The following SEMA3E variants were observed in gnomAD, a reference collection of about 807,000 sequenced individuals.
The protein encoded by SEMA3E is semaphorin 3E.
A neutral mutation model predicts 93.6 loss-of-function variants in SEMA3E; 49 were observed. The ratio of observed to expected loss-of-function variants is 0.52; its 90% CI spans 0.42 to 0.66. SEMA3E has a LOEUF of 0.66. SEMA3E is among the 30% of genes least tolerant of loss of function. The pLI is 0.00. For missense variants in SEMA3E, 906 were observed against 964.8 expected (o/e 0.94, Z 0.81); for synonymous variants, 363 against 330.7 (o/e 1.10, Z -1.06).
chr7:83,460,304 T>G (rs1278911466), intron 4 of SEMA3E, among the ~76,000 whole-genome samples: 1 of 152,094 alleles, frequency 6.6e-6, no homozygotes, highest in African/African-American at 2.4e-5. Context: ...CCAACCTCTC[T>G]CACTGTCCCT....
chr7:83,468,728 C>T (rs2713183), intron 3 of SEMA3E, among the ~76,000 whole-genome samples: 66,862 of 151,876 alleles, frequency 0.44, 16,173 homozygotes, highest in East Asian at 0.66. Flanking sequence ...ACACAGCATT[C>T]TGCCACTCAC....
intron 1 of SEMA3E, among the ~76,000 whole-genome samples, chr7:83,618,298 TGAG>T (rs1365570154): frequency 6.6e-6 from 1 of 152,112 alleles, no homozygotes; most frequent in Non-Finnish European, 1.5e-5. Context: ...TTAGAACAGC[TGAG>T]GTTTAAACTC....
At chr7:83,566,538 G>A (rs1326103477) in intron 1 of SEMA3E, among the ~76,000 whole-genome samples, 1 of 152,014 alleles carries the variant, frequency 6.6e-6, no homozygotes, top group East Asian at 1.9e-4. Context: ...CCCTCCAAGA[G>A]TAGTGAAATA....
At chr7:83,568,670 C>T (rs1202509801) in intron 1 of SEMA3E, among the ~76,000 whole-genome samples, 2 of 152,250 alleles carry the variant, frequency 1.3e-5, no homozygotes, top group East Asian at 1.9e-4. Flanking sequence ...TAAGATTCAA[C>T]ATTTCTTTGT....
chr7:83,467,030 A>G (rs1789778113), intron 3 of SEMA3E, among the ~76,000 whole-genome samples: 1 of 150,800 alleles, frequency 6.6e-6, no homozygotes, highest in African/African-American at 2.4e-5. Flanking sequence ...TTGAAAAAGC[A>G]TAGTTATTCA....
intron 1 of SEMA3E, among the ~76,000 whole-genome samples, chr7:83,549,223 CATT>C (rs1192147428): frequency 3.9e-5 from 6 of 152,180 alleles, no homozygotes; most frequent in Non-Finnish European, 7.4e-5. Context: ...CTTTAATTGA[CATT>C]ATACTTTAAC....
intron 12 of SEMA3E, among the ~76,000 whole-genome samples, chr7:83,395,014 A>G (rs1178269783): frequency 6.6e-6 from 1 of 152,210 alleles, no homozygotes; most frequent in African/African-American, 2.4e-5. Flanking sequence ...CACTCTGGGG[A>G]TGATTATCCT....
In SEMA3E at chr7:83,367,683, A is replaced by G. The variant is rs767567898; in HGVS notation, c.2231T>C (p.Met744Thr). 3.1e-6 allele frequency: 5 copies of G among 1,613,946 alleles called. No homozygotes were observed. In the African/African-American group the frequency reaches 6.7e-5, roughly 22 times the overall value. The part of the protein sequence containing the change: ...CTDRKRKKLK[M>T]SPSKWKYANP... ...GGCATACTTCCACTTGGAGGGTGAC[A>G]TTTTAAGCTTTTTCCTCTTTCTATC... The change falls in exon 17 of 17, where the codon ATG (methionine) becomes ACG (threonine). Residue 744 changes from methionine to threonine, a missense_variant. By Grantham distance (81) the Met-to-Thr change is moderately conservative (BLOSUM62 -1). Transcript: ENST00000643230.
chr7:83,647,757 GA>G (rs1397597200), intron 1 of SEMA3E, among the ~76,000 whole-genome samples: 1 of 152,140 alleles, frequency 6.6e-6, no homozygotes, highest in Non-Finnish European at 1.5e-5. Flanking sequence ...AAATGCTAGT[GA>G]ATACTAATAC....
At chr7:83,610,044 G>T (rs919852292) in intron 1 of SEMA3E, among the ~76,000 whole-genome samples, 18 of 151,984 alleles carry the variant, frequency 1.2e-4, no homozygotes, top group Middle Eastern at 3.4e-3. Context: ...TCAATTTAAA[G>T]ATAAACTACA....
chr7:83,425,874 A>T (rs1788759799), intron 4 of SEMA3E, among the ~76,000 whole-genome samples: 1 of 152,160 alleles, frequency 6.6e-6, no homozygotes, highest in Admixed American at 6.5e-5. Context: ...TCTATAAGGA[A>T]CTTAATTCAA....
At chr7:83,554,533 G>C (rs976813185) in intron 1 of SEMA3E, among the ~76,000 whole-genome samples, 1 of 99,470 alleles carries the variant, frequency 1.0e-5, no homozygotes, top group Non-Finnish European at 1.9e-5. Context: ...AGATGATAGG[G>C]GCAGTTTTTT....
At chr7:83,549,496 A>G (rs553740481) in intron 1 of SEMA3E, among the ~76,000 whole-genome samples, 1 of 152,206 alleles carries the variant, frequency 6.6e-6, no homozygotes, top group East Asian at 1.9e-4. Context: ...TTCATTTTAA[A>G]TATACTTTTA....
In SEMA3E at chr7:83,367,636, G is replaced by C; in HGVS notation, c.2278C>G (p.Arg760Gly). 2.5e-6 allele frequency: 4 copies of C among 1,614,096 alleles called. No individual in the cohort carries two copies. Among genetic ancestry groups the C allele is most frequent in the Non-Finnish European group, 3.4e-6 (4 of 1,180,006 alleles). ...KYANPQEKKLRSKPEHYRLPR... is the reference protein window; with the variant it reads ...KYANPQEKKLGSKPEHYRLPR... ...AGGCGGTAATGCTCAGGTTTGGAAC[G>C]GAGCTTCTTTTCCTGAGGGTTGGCA... Residue 760 changes from arginine to glycine, a missense_variant, in exon 17 of 17, where the codon CGT (arginine) becomes GGT (glycine). Transcript: ENST00000643230.
At chr7:83,411,249 T>C (rs191908171) in intron 5 of SEMA3E, among the ~76,000 whole-genome samples, 1 of 152,180 alleles carries the variant, frequency 6.6e-6, no homozygotes, top group Non-Finnish European at 1.5e-5. Context: ...GAAAAAATAA[T>C]GTATTCTCAA....
chr7:83,584,594 A>C (rs951163676), intron 1 of SEMA3E, among the ~76,000 whole-genome samples: 1 of 152,096 alleles, frequency 6.6e-6, no homozygotes, highest in Non-Finnish European at 1.5e-5. Flanking sequence ...AACGTTCCAA[A>C]CAGTTCAGGC....
At chr7:83,585,134 C>T (rs924572008) in intron 1 of SEMA3E, among the ~76,000 whole-genome samples, 13 of 152,148 alleles carry the variant, frequency 8.5e-5, no homozygotes, top group African/African-American at 2.9e-4. Flanking sequence ...CTTTGCTCTT[C>T]TCAGGACTAA....
intron 1 of SEMA3E, among the ~76,000 whole-genome samples, chr7:83,581,147 A>G (rs552917090): frequency 2.9e-4 from 44 of 152,028 alleles, no homozygotes; most frequent in Non-Finnish European, 5.2e-4. Flanking sequence ...ACTTCACAAG[A>G]TTCAGCATCT....
At chr7:83,465,465 A>C (rs187238826) in intron 4 of SEMA3E, among the ~76,000 whole-genome samples, 112 of 152,340 alleles carry the variant, frequency 7.4e-4, no homozygotes, top group African/African-American at 2.6e-3. Context: ...GCAGCTATTA[A>C]GCACTTCAAA....
Sources: allele counts gnomAD v4.1 joint callset (sites outside exome capture counted in the v4.1 genomes callset), GRCh38; gene constraint gnomAD v4.1.1; transcripts MANE v1.5; gene names NCBI Gene and HGNC (gene_info 2026-07-23, HGNC 2026-07-21).